The following RNF144B variants were observed in gnomAD, a reference collection of about 807,000 sequenced individuals.
RNF144B encodes the protein E3 ubiquitin-protein ligase RNF144B.
Under a neutral mutation model 40.2 loss-of-function variants are expected in RNF144B, and 25 were observed. The observed-to-expected ratio is 0.62, with a 90% CI of 0.45 to 0.87. The LOEUF (loss-of-function observed/expected upper bound fraction) is 0.87, where lower values mean the gene tolerates loss of function less well. RNF144B is among the 40% of genes least tolerant of loss of function. RNF144B has a pLI of 0.00. For missense variants in RNF144B, 365 were observed against 373.7 expected, an observed-to-expected ratio of 0.98 and a Z score of 0.19; for synonymous variants, 145 against 136.3, an observed-to-expected ratio of 1.06 and a Z score of -0.44.
chr6:18,401,458 A>C (rs1024948799), intron 2 of RNF144B, among the ~76,000 whole-genome samples: 7 of 152,114 alleles, frequency 4.6e-5, no homozygotes, highest in Non-Finnish European at 7.4e-5. Context: ...TCAATTTTGG[A>C]TCCTTTTGCA....
intron 2 of RNF144B, among the ~76,000 whole-genome samples, chr6:18,415,898 G>A (rs78164889): frequency 0.069 from 10,439 of 151,402 alleles, 424 homozygotes; most frequent in Non-Finnish European, 0.083. Flanking sequence ...ATTCAGAAGC[G>A]CTAACAGTTC....
chr6:18,427,187 G>A (rs559382291), intron 2 of RNF144B, among the ~76,000 whole-genome samples: 108 of 152,262 alleles, frequency 7.1e-4, no homozygotes, highest in Non-Finnish European at 1.2e-3. Context: ...GGGTCACAGC[G>A]TTCTGTTCTA....
chr6:18,457,420 C>A lies in RNF144B; in HGVS notation c.536+61C>A. 2 of 1,268,632 alleles carry A rather than the reference C, an allele frequency of 1.6e-6. No individual in the cohort carries two copies. The highest frequency in any genetic ancestry group is 1.2e-5 in the South Asian group (1 of 83,970). The allele number at this position is 1,268,632 out of a possible 1,614,324, so 78.6% of individuals were successfully genotyped here. On this transcript the variant is annotated intron_variant, in intron 5 of 7. Transcript: ENST00000259939. This position sits in a 1 kb window ranked among gnomAD's most constrained non-coding sequence, Gnocchi z 5.1. Reference sequence around the variant, plus strand: ...TAGTTTTCTTAGAAATTCAACATACCTTACGTGTAGAAGGAGTTACGTTGT... The same window carrying A: ...TAGTTTTCTTAGAAATTCAACATACATTACGTGTAGAAGGAGTTACGTTGT...
chr6:18,458,568 G>A lies in RNF144B; in HGVS notation c.537-1039G>A, dbSNP rs567978748. 2.0e-5 allele frequency among the ~76,000 whole-genome samples: 3 copies of A among 152,274 alleles called. No homozygotes were observed. The highest frequency in any genetic ancestry group is 1.9e-4 in the East Asian group (1 of 5,160). On this transcript the variant is annotated intron_variant, in intron 5 of 7. Transcript: ENST00000259939. This position sits in a 1 kb window ranked among gnomAD's most constrained non-coding sequence, Gnocchi z 4.8. ...TTTCGTGGCCATAGCAGGAAGCTCC[G>A]TGGGTATCACAGGGCAACGTAAAGA...
Position 18,440,398 on chromosome 6 carries a change from A to G in RNF144B, c.331+654A>G, listed in dbSNP as rs553810802. Among the ~76,000 whole-genome samples, 11 of 152,284 alleles carry G rather than the reference A, an allele frequency of 7.2e-5. No homozygotes were observed. The East Asian group carries it at 1.5e-3, about 21-fold the overall frequency. ...TTTTGAGGTAAATGGACTATTTCTT[A>G]GTATCTCAGAAGTAGGAAAAAATTG... is the stretch of plus-strand genomic sequence containing the variant. On this transcript the variant is annotated intron_variant, in intron 4 of 7. Transcript: ENST00000259939.
At position 18,459,470 on chromosome 6, in the gene RNF144B, GT is replaced by G. The variant is rs1210635991; in HGVS notation, c.537-132del. ...ATGAGTTATCTGTACATCTAATAAT[GT>G]TTTTGCCCACACCCTTTCTTTTGGA... On this transcript the variant is annotated intron_variant, in intron 5 of 7. Transcript: ENST00000259939. The surrounding 1 kb of genome is among the most constrained non-coding windows in gnomAD (Gnocchi z 4.2). The G allele has an allele frequency of 5.3e-6, 4 of 753,180 alleles. No individual in the cohort carries two copies. Among genetic ancestry groups the G allele is most frequent in the Non-Finnish European group, 6.4e-6 (3 of 465,808 alleles). 46.7% of individuals were successfully genotyped at this position (753,180 alleles called of 1,614,324 possible).
At chr6:18,437,165 C>T (rs1250874584) in intron 3 of RNF144B, among the ~76,000 whole-genome samples, 1 of 152,076 alleles carries the variant, frequency 6.6e-6, no homozygotes, top group Non-Finnish European at 1.5e-5. Context: ...TGACTGGGTG[C>T]AACTGGCTCA....
chr6:18,468,366 A>G lies in RNF144B; in HGVS notation c.*3299A>G, dbSNP rs761055250. ...CATCCTATTTGTTCATGCCATGGGT[A>G]TTTGCTTTGGACTTGGAGTCTGTAC... On this transcript the variant is annotated 3_prime_UTR_variant, in exon 8 of 8. Transcript: ENST00000259939. The G allele has an allele frequency of 5.9e-5, 9 of 152,184 alleles. No individual in the cohort carries two copies. The highest frequency in any genetic ancestry group is 1.3e-4 in the Non-Finnish European group (9 of 68,030). 9.4% of individuals were successfully genotyped at this position (152,184 alleles called of 1,614,324 possible).
Position 18,464,801 on chromosome 6 carries a change from G to A in RNF144B, c.772-126G>A. ...AAATACCGTCACATCGGGGATTTAGGGTTTCAACATATGAGCTTCAGGGGG... is the reference window on the plus strand; with the variant it reads ...AAATACCGTCACATCGGGGATTTAGAGTTTCAACATATGAGCTTCAGGGGG... On this transcript the variant is annotated intron_variant, in intron 7 of 7. Coordinates refer to ENST00000259939, the MANE Select transcript of RNF144B (RefSeq NM_182757.4). The surrounding 1 kb of genome is among the most constrained non-coding windows in gnomAD (Gnocchi z 6.1). 2 of 896,072 alleles carry A rather than the reference G, an allele frequency of 2.2e-6. No individual in the cohort carries two copies. The highest frequency in any genetic ancestry group is 3.5e-6 in the Non-Finnish European group (2 of 578,634). The allele number at this position is 896,072 out of a possible 1,614,324, so 55.5% of individuals were successfully genotyped here.
chr6:18,397,252 G>A (rs1167057030), intron 1 of RNF144B, among the ~76,000 whole-genome samples: 2 of 151,984 alleles, frequency 1.3e-5, no homozygotes, highest in African/African-American at 4.8e-5. Flanking sequence ...ACTTGTTTTA[G>A]TACTTTTGTA....
In RNF144B at chr6:18,425,056, GGTGTGTGTGT is replaced by G. The variant is rs10616768; in HGVS notation, c.166-2516_166-2507del. 1.1e-4 allele frequency among the ~76,000 whole-genome samples: 16 copies of G among 151,212 alleles called. No homozygotes were observed. The highest frequency in any genetic ancestry group is 3.9e-4 in the African/African-American group (16 of 41,280). Reference sequence around the variant, plus strand: ...TTTCACGTGTATGTGTGTATGTGTGGGTGTGTGTGTGTGTGTGTTAAAACCTGTGAGGTAA... The same window carrying G: ...TTTCACGTGTATGTGTGTATGTGTGGGTGTGTGTTAAAACCTGTGAGGTAA... On this transcript the variant is annotated intron_variant, in intron 2 of 7. Coordinates refer to ENST00000259939, the MANE Select transcript of RNF144B (RefSeq NM_182757.4). This position sits in a 1 kb window ranked among gnomAD's most constrained non-coding sequence, Gnocchi z 4.2.
rs139278377 is a variant in RNF144B at position 18,463,968 on chromosome 6, G to A, written c.771+588G>A. On this transcript the variant is annotated intron_variant, in intron 7 of 7. Transcript: ENST00000259939. ...TTACTACCACAAGAACGGTATGGGG[G>A]AAACCACCCCCATGATTCAATTATC... Among the ~76,000 whole-genome samples the A allele has an allele frequency of 5.3e-3, 800 of 152,204 alleles. 11 individuals are homozygous for A. Among genetic ancestry groups the A allele is most frequent in the African/African-American group, 0.018 (739 of 41,546 alleles).
rs966241285 is a variant in RNF144B at position 18,456,201 on chromosome 6, C to T, written c.332-954C>T. The stretch of plus-strand genomic sequence containing the variant: ...CCTCCCAAAGTGCTGGGATTACAGG[C>T]GTGAGCCACAGTGCCCGGCCCACAT... On this transcript the variant is annotated intron_variant, in intron 4 of 7. Coordinates refer to ENST00000259939, the MANE Select transcript of RNF144B (RefSeq NM_182757.4). This position sits in a 1 kb window ranked among gnomAD's most constrained non-coding sequence, Gnocchi z 4.7. Among the ~76,000 whole-genome samples the T allele has an allele frequency of 2.6e-5, 4 of 152,200 alleles. No individual in the cohort carries two copies. Among genetic ancestry groups the T allele is most frequent in the Non-Finnish European group, 5.9e-5 (4 of 68,044 alleles).
At position 18,466,919 on chromosome 6, in the gene RNF144B, CAACCAACCA is replaced by C. The variant is rs1759581897; in HGVS notation, c.*1855_*1863del. 2.6e-5 allele frequency: 4 copies of C among 152,526 alleles called. No homozygotes were observed. In the South Asian group the frequency reaches 8.3e-4, roughly 32 times the overall value. 9.4% of individuals were successfully genotyped at this position (152,526 alleles called of 1,614,324 possible). The stretch of plus-strand genomic sequence containing the variant: ...GAACTCTGGGAAAACTTGGGAATGG[CAACCAACCA>C]AAATCATTTTTAATCATTTATTAGA... On this transcript the variant is annotated 3_prime_UTR_variant, in exon 8 of 8. Transcript: ENST00000259939.
At chr6:18,429,096 G>A (rs1758633925) in intron 3 of RNF144B, among the ~76,000 whole-genome samples, 1 of 152,130 alleles carries the variant, frequency 6.6e-6, no homozygotes, top group Non-Finnish European at 1.5e-5. Context: ...TACTCTGGAG[G>A]CTGAGGTGAG....
intron 2 of RNF144B, among the ~76,000 whole-genome samples, chr6:18,411,258 C>T (rs570340687): frequency 7.9e-5 from 12 of 151,694 alleles, no homozygotes; most frequent in African/African-American, 2.9e-4. Flanking sequence ...GCTGGGATTA[C>T]AGGAATAAGC....
In RNF144B at chr6:18,450,304, GT is replaced by G. The variant is rs11413565; in HGVS notation, c.332-6839del. 3.1e-4 allele frequency among the ~76,000 whole-genome samples: 46 copies of G among 146,212 alleles called. No homozygotes were observed. The highest frequency in any genetic ancestry group is 4.0e-4 in the East Asian group (2 of 5,022). ...CAACTCTGATTTGTAGTGCTTGCCA[GT>G]TTTTTTTTTTTAGATGGAGTCTTGC... On this transcript the variant is annotated intron_variant, in intron 4 of 7. Transcript: ENST00000259939. The surrounding 1 kb of genome is among the most constrained non-coding windows in gnomAD (Gnocchi z 4.7).
At chr6:18,403,237 T>C (rs1794827741) in intron 2 of RNF144B, among the ~76,000 whole-genome samples, 1 of 152,256 alleles carries the variant, frequency 6.6e-6, no homozygotes, top group Non-Finnish European at 1.5e-5. Context: ...CACAAGTCAG[T>C]TATCAAAGTA....
At chr6:18,396,872 T>A in intron 1 of RNF144B, 1 of 974,960 alleles carries the variant, frequency 1.0e-6, no homozygotes, top group African/African-American at 1.7e-5. Flanking sequence ...AGAGATTTTT[T>A]ACAAAAACTC....
Sources: allele counts gnomAD v4.1 joint callset (sites outside exome capture counted in the v4.1 genomes callset), GRCh38; gene constraint gnomAD v4.1.1; non-coding constraint Gnocchi (gnomAD v3.1); transcripts MANE v1.5; gene names NCBI Gene and HGNC (gene_info 2026-07-23, HGNC 2026-07-21).